GALNT18: variants seen among roughly 807,000 people sequenced by gnomAD.
The protein encoded by GALNT18 is GalNAc-transferase 18.
In GALNT18, 44 loss-of-function variants were observed where a neutral mutation model predicts 69.5. The ratio of observed to expected loss-of-function variants is 0.63; its 90% CI spans 0.50 to 0.81. The LOEUF (loss-of-function observed/expected upper bound fraction) is 0.81, where lower values mean the gene tolerates loss of function less well. Among genes scored for constraint, GALNT18 ranks in the 40% least tolerant of loss-of-function variants. The pLI is 0.00. For missense variants in GALNT18, 715 were observed against 810.0 expected (o/e 0.88, Z 1.42); for synonymous variants, 364 against 318.2 (o/e 1.14, Z -1.53).
At chr11:11,516,386 C>T (rs1026253965) in intron 1 of GALNT18, among the ~76,000 whole-genome samples, 3 of 152,176 alleles carry the variant, frequency 2.0e-5, no homozygotes, top group Non-Finnish European at 2.9e-5. Flanking sequence ...AATCCCAGCA[C>T]TTCAGGAGGC....
chr11:11,356,862 G>C lies in GALNT18; in HGVS notation c.1092+15653C>G, dbSNP rs1173456408. 2.0e-5 allele frequency among the ~76,000 whole-genome samples: 3 copies of C among 152,126 alleles called. No homozygotes were observed. The highest frequency in any genetic ancestry group is 7.2e-5 in the African/African-American group (3 of 41,414). On this transcript the variant is annotated intron_variant, in intron 6 of 10. Coordinates refer to ENST00000227756, the MANE Select transcript of GALNT18 (RefSeq NM_198516.3). This position sits in a 1 kb window ranked among gnomAD's most constrained non-coding sequence, Gnocchi z 4.4. ...ACTTTTTAAATTGCTTTGTTCTGTA[G>C]GGATTAATTTTGCACTTATCTTCAC...
At position 11,304,624 on chromosome 11, in the gene GALNT18, T is replaced by C. The variant is rs186533125; in HGVS notation, c.1513-11431A>G. ...TGACAGTCAATTCATACTTCTTAAA[T>C]ACAGATTGATTTGTTGTTCGAAATA... On this transcript the variant is annotated intron_variant, in intron 9 of 10. Coordinates refer to ENST00000227756, the MANE Select transcript of GALNT18 (RefSeq NM_198516.3). 3.2e-3 allele frequency among the ~76,000 whole-genome samples: 494 copies of C among 152,330 alleles called. 1 individual carries two copies. The highest frequency in any genetic ancestry group is 4.7e-3 in the Non-Finnish European group (319 of 68,032).
chr11:11,386,986 TC>T (rs758386438), intron 3 of GALNT18, among the ~76,000 whole-genome samples: 2 of 152,204 alleles, frequency 1.3e-5, no homozygotes, highest in Non-Finnish European at 2.9e-5. Flanking sequence ...AACAAGACTC[TC>T]CAGGTGAGAT....
rs188424197 is a variant in GALNT18, at chr11:11,596,892, T to A, written c.235+24467A>T. On this transcript the variant is annotated intron_variant, in intron 1 of 10. Coordinates refer to ENST00000227756, the MANE Select transcript of GALNT18 (RefSeq NM_198516.3). This position sits in a 1 kb window ranked among gnomAD's most constrained non-coding sequence, Gnocchi z 4.2. ...TGTTCCTGATACTGAATGATCTTAA[T>A]GGTCATTCAGTCTTTGACCATTAAG... 2.6e-5 allele frequency among the ~76,000 whole-genome samples: 4 copies of A among 152,294 alleles called. No individual in the cohort carries two copies. In the East Asian group the frequency reaches 7.7e-4, roughly 29 times the overall value.
In GALNT18 at chr11:11,327,110, G is replaced by A. The variant is rs531898533; in HGVS notation, c.1488C>T (p.Tyr496=). The A allele has an allele frequency of 5.6e-6, 9 of 1,613,588 alleles. No individual in the cohort carries two copies. The East Asian group carries it at 6.7e-5, about 12-fold the overall frequency. Residue 496 remains tyrosine (Y), a synonymous_variant, in exon 9 of 11, where the codon TAC becomes TAT. Coordinates refer to ENST00000227756, the MANE Select transcript of GALNT18 (RefSeq NM_198516.3). ...CCTGAGGCGTCATCCCATGGCAGAT[G>A]TACATGATGGGGACATTCTCTGTAT... ...GPDTENVPIM[Y]ICHGMTPQNV...
At position 11,337,079 on chromosome 11, in the gene GALNT18, C is replaced by G. The variant is rs1850126717; in HGVS notation, c.1278+3740G>C. Among the ~76,000 whole-genome samples the G allele has an allele frequency of 6.6e-6, 1 of 152,144 alleles. No individual in the cohort carries two copies. The highest frequency in any genetic ancestry group is 1.5e-5 in the Non-Finnish European group (1 of 68,034). ...TACACAAACCTGGCCACCCTAAACT[C>G]TCATCTGGAGGGCTTTTTGTAGATT... On this transcript the variant is annotated intron_variant, in intron 7 of 10. Transcript: ENST00000227756. The surrounding 1 kb of genome is among the most constrained non-coding windows in gnomAD (Gnocchi z 4.9).
chr11:11,555,562 G>A lies in GALNT18; in HGVS notation c.235+65797C>T, dbSNP rs1392177899. 6.6e-6 allele frequency among the ~76,000 whole-genome samples: 1 copy of A among 152,168 alleles called. No homozygotes were observed. On this transcript the variant is annotated intron_variant, in intron 1 of 10. Transcript: ENST00000227756. The surrounding 1 kb of genome is among the most constrained non-coding windows in gnomAD (Gnocchi z 4.7). ...CCTGGCTTTAGACTTCTAATCTCCA[G>A]AACTATGAGAGAATAAATTCCTGTT...
chr11:11,330,997 C>A (rs1009348229), intron 8 of GALNT18, among the ~76,000 whole-genome samples: 4 of 152,314 alleles, frequency 2.6e-5, no homozygotes, highest in African/African-American at 7.2e-5. Flanking sequence ...GCCACAGCAG[C>A]GTAACTCTCC....
In GALNT18 at chr11:11,439,416, G is replaced by T. The variant is rs973343924; in HGVS notation, c.429-6629C>A. 1.3e-5 allele frequency among the ~76,000 whole-genome samples: 2 copies of T among 152,162 alleles called. No homozygotes were observed. Among genetic ancestry groups the T allele is most frequent in the Non-Finnish European group, 2.9e-5 (2 of 68,034 alleles). On this transcript the variant is annotated intron_variant, in intron 2 of 10. Coordinates refer to ENST00000227756, the MANE Select transcript of GALNT18 (RefSeq NM_198516.3). This position sits in a 1 kb window ranked among gnomAD's most constrained non-coding sequence, Gnocchi z 4.4. ...CACCTGTGGTCACCTGCATAGGTTT[G>T]GTTCCTTGCTCCCTGAGAACACGTA... is the stretch of plus-strand genomic sequence containing the variant.
At position 11,372,679 on chromosome 11, in the gene GALNT18, GA is replaced by G; in HGVS notation, c.978-51del. On this transcript the variant is annotated intron_variant, in intron 5 of 10. Transcript: ENST00000227756. The surrounding 1 kb of genome is among the most constrained non-coding windows in gnomAD (Gnocchi z 4.9). ...GGGCTGTCTGGTGCAGCTGTCCGAG[GA>G]GTAAGAGCAGTAAGGCCTTCCTATC... is the stretch of plus-strand genomic sequence containing the variant. 1 of 1,447,076 alleles carries G rather than the reference GA, an allele frequency of 6.9e-7. No individual in the cohort carries two copies. Among genetic ancestry groups the G allele is most frequent in the Non-Finnish European group, 9.7e-7 (1 of 1,033,340 alleles). The allele number at this position is 1,447,076 out of a possible 1,614,324, so 89.6% of individuals were successfully genotyped here.
chr11:11,342,655 C>T (rs916115772), intron 6 of GALNT18, among the ~76,000 whole-genome samples: 7 of 152,220 alleles, frequency 4.6e-5, no homozygotes, highest in Non-Finnish European at 8.8e-5. Context: ...AGGAAACTAA[C>T]ATCCTCATTG....
rs1054328759 is a variant in GALNT18 at position 11,382,865 on chromosome 11, T to C, written c.596-3601A>G. On this transcript the variant is annotated intron_variant, in intron 3 of 10. Coordinates refer to ENST00000227756, the MANE Select transcript of GALNT18 (RefSeq NM_198516.3). This position sits in a 1 kb window ranked among gnomAD's most constrained non-coding sequence, Gnocchi z 4.3. Reference sequence around the variant, plus strand: ...GAAAAGGGAAGGTATATTTTGTGCTTGTTTTAATGCGTTGGAGAAAGAGGA... The same window carrying C: ...GAAAAGGGAAGGTATATTTTGTGCTCGTTTTAATGCGTTGGAGAAAGAGGA... 1.3e-5 allele frequency among the ~76,000 whole-genome samples: 2 copies of C among 152,350 alleles called. No individual in the cohort carries two copies. Among genetic ancestry groups the C allele is most frequent in the East Asian group, 3.9e-4 (2 of 5,190 alleles).
At chr11:11,440,613 C>T (rs551356356) in intron 2 of GALNT18, among the ~76,000 whole-genome samples, 1 of 152,356 alleles carries the variant, frequency 6.6e-6, no homozygotes, top group South Asian at 2.1e-4. Flanking sequence ...CCAGGGACTT[C>T]TGTGTAACCT....
At position 11,382,081 on chromosome 11, in the gene GALNT18, A is replaced by T. The variant is rs1306397623; in HGVS notation, c.596-2817T>A. ...CTATAGGAGCTACTTGCCTCTTTGT[A>T]CCTGCGAGCTCTGTTAACACTGAGC... On this transcript the variant is annotated intron_variant, in intron 3 of 10. Transcript: ENST00000227756. The surrounding 1 kb of genome is among the most constrained non-coding windows in gnomAD (Gnocchi z 4.3). Among the ~76,000 whole-genome samples, 1 of 152,186 alleles carries T rather than the reference A, an allele frequency of 6.6e-6. No individual in the cohort carries two copies. The highest frequency in any genetic ancestry group is 2.1e-4 in the South Asian group (1 of 4,832).
chr11:11,378,125 G>A (rs1853818267), intron 4 of GALNT18, among the ~76,000 whole-genome samples: 1 of 152,238 alleles, frequency 6.6e-6, no homozygotes, highest in Non-Finnish European at 1.5e-5. Flanking sequence ...AGTCACAAGT[G>A]GCAAGCAGGG....
chr11:11,458,062 C>T (rs7932128), intron 1 of GALNT18, among the ~76,000 whole-genome samples: 35,474 of 152,072 alleles, frequency 0.23, 4,194 homozygotes, highest in South Asian at 0.33. Context: ...ATGGTCCTGT[C>T]TCCTGGTCCT....
Position 11,574,263 on chromosome 11 carries a change from C to A in GALNT18, c.235+47096G>T, listed in dbSNP as rs1311407890. ...CTGGAACTACACTTTATAGATGGCA[C>A]TGGAGAAAGTAGATGGCTTCTGAAG... On this transcript the variant is annotated intron_variant, in intron 1 of 10. Coordinates refer to ENST00000227756, the MANE Select transcript of GALNT18 (RefSeq NM_198516.3). 2.0e-5 allele frequency among the ~76,000 whole-genome samples: 3 copies of A among 152,254 alleles called. No individual in the cohort carries two copies. In the East Asian group the frequency reaches 5.8e-4, roughly 29 times the overall value.
chr11:11,365,102 T>C (rs1589940769), intron 6 of GALNT18, among the ~76,000 whole-genome samples: 1 of 152,262 alleles, frequency 6.6e-6, no homozygotes, highest in Admixed American at 6.5e-5. Flanking sequence ...TGTGCCATGG[T>C]GGTTTGCTGC....
At chr11:11,281,323 G>A (rs1228455902) in intron 10 of GALNT18, among the ~76,000 whole-genome samples, 4 of 152,194 alleles carry the variant, frequency 2.6e-5, no homozygotes, top group South Asian at 2.1e-4. Context: ...GGTCATTTCT[G>A]TCCTGATTCC....
Sources: allele counts gnomAD v4.1 joint callset (sites outside exome capture counted in the v4.1 genomes callset), GRCh38; gene constraint gnomAD v4.1.1; non-coding constraint Gnocchi (gnomAD v3.1); transcripts MANE v1.5; gene names NCBI Gene and HGNC (gene_info 2026-07-23, HGNC 2026-07-21).